Variants in AKAP13 observed in about 807,000 individuals in gnomAD.
AKAP13 encodes A-kinase anchor protein 13.
A neutral mutation model predicts 264.5 loss-of-function variants in AKAP13; 80 were observed. The ratio of observed to expected loss-of-function variants is 0.30; its 90% CI spans 0.25 to 0.36. AKAP13 has a LOEUF of 0.36. Among genes scored for constraint, AKAP13 ranks in the 10% least tolerant of loss-of-function variants. The pLI is 1.00. For missense variants in AKAP13, 3,712 were observed against 3,435.2 expected, an observed-to-expected ratio of 1.08 and a Z score of -2.01; for synonymous variants, 1,380 against 1,250.2, an observed-to-expected ratio of 1.10 and a Z score of -2.19.
chr15:85,669,881 C>A, intron 14 of AKAP13, 51 bp downstream of exon 14: 1 of 1,365,328 alleles, frequency 7.3e-7, no homozygotes, highest in Non-Finnish European at 1.0e-6. Context: ...CTTAACCACT[C>A]TTCCTATTAT....
chr15:85,467,663 T>C (rs1220425334), intron 1 of AKAP13, among the ~76,000 whole-genome samples: 2 of 152,222 alleles, frequency 1.3e-5, no homozygotes, highest in South Asian at 2.1e-4. Flanking sequence ...TTGGAACATA[T>C]CTACTTTGAA....
At chr15:85,486,906 T>C (rs2075569678) in intron 2 of AKAP13, among the ~76,000 whole-genome samples, 1 of 151,952 alleles carries the variant, frequency 6.6e-6, no homozygotes, top group Non-Finnish European at 1.5e-5. Flanking sequence ...TCCTGGCTAA[T>C]TTTTTGTATT....
At chr15:85,431,692 C>G (rs1414823269) in intron 1 of AKAP13, among the ~76,000 whole-genome samples, 1 of 152,042 alleles carries the variant, frequency 6.6e-6, no homozygotes, top group Non-Finnish European at 1.5e-5. Flanking sequence ...TAGGTAGTAA[C>G]TTCAAGATGT....
At chr15:85,701,939 T>A (rs560462944) in intron 17 of AKAP13, among the ~76,000 whole-genome samples, 1 of 152,190 alleles carries the variant, frequency 6.6e-6, no homozygotes, top group Admixed American at 6.5e-5. Context: ...GTCTGCAGCC[T>A]GCCTCTTATA....
intron 1 of AKAP13, among the ~76,000 whole-genome samples, chr15:85,407,366 T>A (rs1490927248): frequency 6.6e-6 from 1 of 151,450 alleles, no homozygotes; most frequent in African/African-American, 2.5e-5. Context: ...TGGCTGAGAC[T>A]ACAGGCATGC....
chr15:85,618,720 G>A (rs2081045776), intron 8 of AKAP13, among the ~76,000 whole-genome samples: 1 of 152,178 alleles, frequency 6.6e-6, no homozygotes, highest in African/African-American at 2.4e-5. Flanking sequence ...AAACACTGAA[G>A]AAGTCCCAGC....
At chr15:85,736,417 G>GT (rs1177608907) in intron 33 of AKAP13, among the ~76,000 whole-genome samples, 2 of 130,040 alleles carry the variant, frequency 1.5e-5, no homozygotes, top group Non-Finnish European at 3.5e-5. Context: ...GCCTCTTGCT[G>GT]TTTTTTTGTT....
chr15:85,554,769 G>A (rs1335480338), intron 5 of AKAP13, among the ~76,000 whole-genome samples: 1 of 152,142 alleles, frequency 6.6e-6, no homozygotes, highest in Non-Finnish European at 1.5e-5. Flanking sequence ...TCACTTTACA[G>A]ATGAGGAAAT....
intron 1 of AKAP13, among the ~76,000 whole-genome samples, chr15:85,483,398 G>A (rs560353577): frequency 6.6e-6 from 1 of 152,218 alleles, no homozygotes; most frequent in Non-Finnish European, 1.5e-5. Flanking sequence ...AGGCCGAGGC[G>A]GGTGGATCAT....
chr15:85,640,249 G>T (rs1036827011), intron 9 of AKAP13, among the ~76,000 whole-genome samples: 2 of 152,130 alleles, frequency 1.3e-5, no homozygotes, highest in Non-Finnish European at 2.9e-5. Context: ...CCTGTTCTAC[G>T]ACTGCTAAGT....
intron 8 of AKAP13, among the ~76,000 whole-genome samples, chr15:85,611,396 C>T (rs1168825027): frequency 1.3e-5 from 2 of 152,218 alleles, no homozygotes; most frequent in Non-Finnish European, 1.5e-5. Context: ...CTGCTGCATT[C>T]CGCCCTTTAC....
At chr15:85,741,639 G>GA in intron 35 of AKAP13, 144 bp downstream of exon 35, 1 of 1,312,082 alleles carries the variant, frequency 7.6e-7, no homozygotes, top group Non-Finnish European at 9.8e-7. Flanking sequence ...ACTTTAGGAG[G>GA]CTGAGGTGAG....
intron 1 of AKAP13, among the ~76,000 whole-genome samples, chr15:85,482,337 A>G (rs1464904685): frequency 6.6e-6 from 1 of 152,080 alleles, no homozygotes. Flanking sequence ...TCTCTATAGA[A>G]TTTGTTACTG....
Position 85,575,230 on chromosome 15 carries a change from A to G in AKAP13, c.762A>G (p.Thr254=), listed in dbSNP as rs916674834. Reference sequence around the variant, plus strand: ...ATCATCGAGAGTTGGACATCTATACATTAACCTCTGAGTCTGATTCACATC... The same window carrying G: ...ATCATCGAGAGTTGGACATCTATACGTTAACCTCTGAGTCTGATTCACATC... The part of the protein sequence containing the change: ...VRHHRELDIY[T]LTSESDSHHE... The change falls in exon 6 of 37, where the codon ACA becomes ACG. Residue 254 remains threonine, a synonymous_variant. Coordinates refer to ENST00000394518, the MANE Select transcript of AKAP13 (RefSeq NM_007200.5). The G allele has an allele frequency of 4.3e-6, 7 of 1,614,060 alleles. No individual in the cohort carries two copies. In the African/African-American group the frequency reaches 8.0e-5, roughly 18 times the overall value.
intron 2 of AKAP13, among the ~76,000 whole-genome samples, chr15:85,490,022 T>G (rs1481581640): frequency 6.6e-6 from 1 of 151,994 alleles, no homozygotes; most frequent in Non-Finnish European, 1.5e-5. Flanking sequence ...CTAAGTCGGG[T>G]TTTTCTCACA....
At chr15:85,696,655 T>C (rs2085581067) in intron 17 of AKAP13, among the ~76,000 whole-genome samples, 1 of 152,198 alleles carries the variant, frequency 6.6e-6, no homozygotes, top group Non-Finnish European at 1.5e-5. Context: ...ACTTCATCAG[T>C]AAAGCAGACT....
At chr15:85,549,443 A>C (rs1049793398) in intron 5 of AKAP13, among the ~76,000 whole-genome samples, 1 of 152,240 alleles carries the variant, frequency 6.6e-6, no homozygotes, top group South Asian at 2.1e-4. Context: ...TCTTATTTTT[A>C]GTATCAGCTG....
intron 35 of AKAP13, among the ~76,000 whole-genome samples, chr15:85,741,748 T>G (rs988553718): frequency 6.1e-5 from 9 of 147,502 alleles, no homozygotes; most frequent in Admixed American, 4.7e-4. Context: ...AAAACAGTTT[T>G]TAAGAATCTT....
In AKAP13 at chr15:85,388,456, C is replaced by CT. The variant is rs200003681; in HGVS notation, c.-12+7659dup. Among the ~76,000 whole-genome samples the CT allele has an allele frequency of 8.3e-3, 1,264 of 152,244 alleles. 23 individuals carry two copies. Among genetic ancestry groups the CT allele is most frequent in the African/African-American group, 0.029 (1,199 of 41,528 alleles). On this transcript the variant is annotated intron_variant, in intron 1 of 36. Transcript: ENST00000394518. ...TTTCCTGATGTTAGAGGGGAAAACA[C>CT]TGAGTGTTTGACCATTAATATGATG...
Sources: allele counts gnomAD v4.1 joint callset (sites outside exome capture counted in the v4.1 genomes callset), GRCh38; gene constraint gnomAD v4.1.1; transcripts MANE v1.5; gene names NCBI Gene and HGNC (gene_info 2026-07-23, HGNC 2026-07-21).